Variants in TMEM266 observed in about 807,000 individuals in gnomAD.
TMEM266 encodes transmembrane protein 266, also known as Hv1 related protein 1.
In TMEM266, 33 loss-of-function variants were observed where a neutral mutation model predicts 50.5. The ratio of observed to expected loss-of-function variants is 0.65; its 90% CI spans 0.50 to 0.87. The LOEUF (loss-of-function observed/expected upper bound fraction) is 0.87. Ranked by LOEUF, TMEM266 falls within the 40% of genes least tolerant of loss-of-function variation. The probability of loss-of-function intolerance (pLI) is 0.00; values close to 1 mark genes in which losing one functional copy is unlikely to be tolerated. For missense variants in TMEM266, 655 were observed against 695.1 expected (o/e 0.94, Z 0.65); for synonymous variants, 310 against 292.3 (o/e 1.06, Z -0.62).
At chr15:76,141,605 T>G (rs1225332167) in intron 3 of TMEM266, among the ~76,000 whole-genome samples, 2 of 152,156 alleles carry the variant, frequency 1.3e-5, no homozygotes, top group Non-Finnish European at 2.9e-5. Context: ...AAATGTACCA[T>G]CTTAACCATT....
chr15:76,168,568 C>T lies in TMEM266; in HGVS notation c.457-1248C>T, dbSNP rs2038134123. Among the ~76,000 whole-genome samples the T allele has an allele frequency of 6.6e-6, 1 of 152,362 alleles. No homozygotes were observed. The highest frequency in any genetic ancestry group is 2.4e-5 in the African/African-American group (1 of 41,586). On this transcript the variant is annotated intron_variant, in intron 5 of 10. Transcript: ENST00000388942. This position sits in a 1 kb window ranked among gnomAD's most constrained non-coding sequence, Gnocchi z 4.4. ...ATCTTACGAGACCAGCATTTAGGGG[C>T]TTCTTTGGAGAAAGATGTCCTCTTG...
chr15:76,126,521 A>G (rs2037425750), intron 1 of TMEM266, among the ~76,000 whole-genome samples: 1 of 150,524 alleles, frequency 6.6e-6, no homozygotes, highest in African/African-American at 2.4e-5. Flanking sequence ...GCACGATCTC[A>G]CTTATAGTTA....
intron 1 of TMEM266, among the ~76,000 whole-genome samples, chr15:76,133,418 A>G (rs1447908666): frequency 6.6e-6 from 1 of 151,252 alleles, no homozygotes; most frequent in African/African-American, 2.5e-5. Context: ...CCTGGGTGAC[A>G]AGAGTGAAAC....
chr15:76,191,741 A>C (rs1249014117), intron 8 of TMEM266: 5 of 484,414 alleles, frequency 1.0e-5, no homozygotes, highest in African/African-American at 8.2e-5. Flanking sequence ...CCAGACTGCA[A>C]GGCACCTGAG....
intron 1 of TMEM266, among the ~76,000 whole-genome samples, chr15:76,094,793 G>A (rs1436614060): frequency 6.6e-6 from 1 of 151,908 alleles, no homozygotes; most frequent in African/African-American, 2.4e-5. Context: ...TTATTTCCTT[G>A]AGCAGTGGTT....
chr15:76,130,353 C>CA (rs2037490515), intron 1 of TMEM266, among the ~76,000 whole-genome samples: 1 of 147,442 alleles, frequency 6.8e-6, no homozygotes, highest in Non-Finnish European at 1.5e-5. Flanking sequence ...GCCTGGCCAA[C>CA]ATGGTGAAAC....
At chr15:76,165,545 C>T (rs972025521) in intron 5 of TMEM266, among the ~76,000 whole-genome samples, 4 of 152,194 alleles carry the variant, frequency 2.6e-5, no homozygotes, top group African/African-American at 9.7e-5. Context: ...CTGGGGATTC[C>T]AGCTCCTCAG....
At chr15:76,191,808 C>G (rs1166285928) in intron 8 of TMEM266, 160 bp from the exon 9 acceptor site, 1 of 668,044 alleles carries the variant, frequency 1.5e-6, no homozygotes, top group Non-Finnish European at 2.3e-6. Context: ...TCTTGCGAAC[C>G]GCGATGCTGG....
At chr15:76,073,997 A>G (rs1259991238) in intron 1 of TMEM266, among the ~76,000 whole-genome samples, 1 of 151,216 alleles carries the variant, frequency 6.6e-6, no homozygotes, top group Non-Finnish European at 1.5e-5. Flanking sequence ...TTTTGTTTGT[A>G]GTCGAATACT....
chr15:76,101,824 G>A (rs987311052), intron 1 of TMEM266, among the ~76,000 whole-genome samples: 3 of 152,234 alleles, frequency 2.0e-5, no homozygotes, highest in African/African-American at 7.2e-5. Context: ...CCCCACGCCT[G>A]GCCAGCTGCC....
At chr15:76,063,105 G>A (rs2935984) in intron 1 of TMEM266, among the ~76,000 whole-genome samples, 9,390 of 152,210 alleles carry the variant, frequency 0.062, 940 homozygotes, top group African/African-American at 0.21. Flanking sequence ...GTTGTCGACA[G>A]TCTTGAATCA....
chr15:76,198,021 CAG>C (rs2038680738), intron 9 of TMEM266, among the ~76,000 whole-genome samples: 1 of 152,220 alleles, frequency 6.6e-6, no homozygotes. Flanking sequence ...CGCCAGGCAG[CAG>C]AGAGCAGCTG....
chr15:76,140,968 T>C (rs1596130116), intron 3 of TMEM266, among the ~76,000 whole-genome samples: 1 of 151,520 alleles, frequency 6.6e-6, no homozygotes, highest in Non-Finnish European at 1.5e-5. Context: ...GCCCAGGAGG[T>C]CGAAGCTTTA....
At chr15:76,102,618 C>T (rs546893229) in intron 1 of TMEM266, among the ~76,000 whole-genome samples, 4 of 152,200 alleles carry the variant, frequency 2.6e-5, no homozygotes, top group Non-Finnish European at 5.9e-5. Context: ...GTGGGTGGAT[C>T]ACCTGAGGTC....
intron 1 of TMEM266, among the ~76,000 whole-genome samples, chr15:76,065,970 C>T (rs1003862979): frequency 1.3e-5 from 2 of 152,178 alleles, no homozygotes; most frequent in Non-Finnish European, 2.9e-5. Context: ...CGAGGGGTGC[C>T]CCTGCCCAGG....
intron 4 of TMEM266, among the ~76,000 whole-genome samples, chr15:76,157,048 G>A (rs1951698919): frequency 6.6e-6 from 1 of 152,036 alleles, no homozygotes; most frequent in South Asian, 2.1e-4. Context: ...AAAACGTTGG[G>A]GACCCCTGTA....
chr15:76,182,714 T>G (rs2038435272), intron 8 of TMEM266, among the ~76,000 whole-genome samples: 1 of 152,140 alleles, frequency 6.6e-6, no homozygotes, highest in African/African-American at 2.4e-5. Flanking sequence ...CATTCACAAA[T>G]GCACTGTCAT....
chr15:76,193,099 T>C (rs550322232), intron 9 of TMEM266, among the ~76,000 whole-genome samples: 1 of 152,358 alleles, frequency 6.6e-6, no homozygotes, highest in East Asian at 1.9e-4. Context: ...GAGGCTTCAG[T>C]GTTCCCTTCT....
At chr15:76,130,304 G>T (rs1177680559) in intron 1 of TMEM266, among the ~76,000 whole-genome samples, 1 of 148,938 alleles carries the variant, frequency 6.7e-6, no homozygotes, top group African/African-American at 2.5e-5. Flanking sequence ...TTGGGAGGCC[G>T]AGGCGGTTGG....
Sources: gnomAD v4.1 joint callset for allele counts (sites outside exome capture counted in the v4.1 genomes callset) on GRCh38, gnomAD v4.1.1 for gene constraint, Gnocchi (gnomAD v3.1) non-coding constraint, MANE v1.5 for transcripts, NCBI Gene and HGNC (gene_info 2026-07-23, HGNC 2026-07-21) for gene names.